Variants in GRID2 observed in about 807,000 individuals in gnomAD.
GRID2 encodes glutamate receptor ionotropic, delta-2.
GRID2 carries 33 observed loss-of-function variants against 114.8 expected under a neutral mutation model. The ratio of observed to expected loss-of-function variants is 0.29; its 90% CI spans 0.22 to 0.38. The LOEUF is 0.38. GRID2 is among the 10% of genes least tolerant of loss of function. The pLI is 1.00. For synonymous variants in GRID2, 505 were observed against 449.9 expected, an observed-to-expected ratio of 1.12 and a Z score of -1.55; for missense variants, 1,184 against 1,257.7, an observed-to-expected ratio of 0.94 and a Z score of 0.89.
chr4:92,620,245 A>G (rs944459413), intron 2 of GRID2, among the ~76,000 whole-genome samples: 1 of 151,806 alleles, frequency 6.6e-6, no homozygotes, highest in Non-Finnish European at 1.5e-5. Flanking sequence ...GACATGATTT[A>G]TAGATGTGCT....
At chr4:92,311,529 T>G in intron 1 of GRID2, among the ~76,000 whole-genome samples, 1 of 152,242 alleles carries the variant, frequency 6.6e-6, no homozygotes, top group East Asian at 1.9e-4. Context: ...ATGAAAAACA[T>G]TAGGTAGTAA....
At chr4:92,549,158 T>A (rs1165488113) in intron 1 of GRID2, among the ~76,000 whole-genome samples, 1 of 150,220 alleles carries the variant, frequency 6.7e-6, no homozygotes, top group Non-Finnish European at 1.5e-5. Context: ...TACCAAGTAA[T>A]CTCAAATAGA....
intron 2 of GRID2, among the ~76,000 whole-genome samples, chr4:92,670,412 A>G (rs1733001978): frequency 1.3e-5 from 2 of 151,914 alleles, no homozygotes; most frequent in African/African-American, 2.4e-5. Flanking sequence ...AGATTCCATC[A>G]TCTTCTTTCA....
At chr4:92,646,390 C>G (rs1448030958) in intron 2 of GRID2, among the ~76,000 whole-genome samples, 1 of 152,202 alleles carries the variant, frequency 6.6e-6, no homozygotes, top group Non-Finnish European at 1.5e-5. Flanking sequence ...CATTATTAAC[C>G]TGCCTGTACA....
chr4:92,548,477 C>G (rs953513456), intron 1 of GRID2, among the ~76,000 whole-genome samples: 1 of 129,274 alleles, frequency 7.7e-6, no homozygotes, highest in Non-Finnish European at 1.5e-5. Context: ...TTTTGGCTCA[C>G]TGCAACCTCC....
At chr4:92,614,894 T>G (rs1729931485) in intron 2 of GRID2, among the ~76,000 whole-genome samples, 2 of 151,686 alleles carry the variant, frequency 1.3e-5, no homozygotes, top group African/African-American at 4.8e-5. Flanking sequence ...TTTACATGTT[T>G]AGAATTATTA....
At chr4:93,508,614 T>A (rs750573705) in intron 12 of GRID2, among the ~76,000 whole-genome samples, 1 of 152,208 alleles carries the variant, frequency 6.6e-6, no homozygotes, top group Non-Finnish European at 1.5e-5. Flanking sequence ...GAATGCTTAC[T>A]TCCCAAAATG....
chr4:93,582,106 G>T (rs1475999386), intron 13 of GRID2, among the ~76,000 whole-genome samples: 1 of 152,098 alleles, frequency 6.6e-6, no homozygotes, highest in Admixed American at 6.6e-5. Context: ...TGTTCAAAAT[G>T]GATCTTACTG....
intron 2 of GRID2, among the ~76,000 whole-genome samples, chr4:92,709,107 T>C (rs1019133605): frequency 2.0e-5 from 3 of 152,118 alleles, no homozygotes; most frequent in African/African-American, 7.2e-5. Flanking sequence ...GTGTCCACTT[T>C]TACGTTTCTT....
At chr4:93,029,417 T>C (rs916692065) in intron 2 of GRID2, among the ~76,000 whole-genome samples, 2 of 152,070 alleles carry the variant, frequency 1.3e-5, no homozygotes, top group African/African-American at 4.8e-5. Flanking sequence ...AATGTGAGCT[T>C]CTTAAATAAT....
chr4:92,904,620 T>C (rs1424888636), intron 2 of GRID2, among the ~76,000 whole-genome samples: 3 of 151,694 alleles, frequency 2.0e-5, no homozygotes, highest in Non-Finnish European at 3.0e-5. Flanking sequence ...ATAAGAAAAA[T>C]AATTAGGCCA....
chr4:93,331,519 A>G (rs972132500), intron 8 of GRID2, among the ~76,000 whole-genome samples: 1 of 152,028 alleles, frequency 6.6e-6, no homozygotes, highest in Non-Finnish European at 1.5e-5. Flanking sequence ...GTACCTTTGT[A>G]CATATTTGTT....
chr4:93,720,760 T>C (rs1278567238), intron 14 of GRID2, among the ~76,000 whole-genome samples: 1 of 152,208 alleles, frequency 6.6e-6, no homozygotes, highest in Non-Finnish European at 1.5e-5. Context: ...TACATAGTAA[T>C]CTCATAAAAT....
intron 4 of GRID2, among the ~76,000 whole-genome samples, chr4:93,203,341 T>C (rs1329644522): frequency 2.6e-5 from 4 of 152,138 alleles, no homozygotes; most frequent in African/African-American, 9.7e-5. Context: ...CTTTAACACA[T>C]GATGTCACAA....
chr4:92,891,712 GA>G (rs1746795068), intron 2 of GRID2, among the ~76,000 whole-genome samples: 1 of 152,164 alleles, frequency 6.6e-6, no homozygotes, highest in South Asian at 2.1e-4. Flanking sequence ...ATCTGGGACA[GA>G]CTTGCCTATC....
At chr4:93,038,635 C>T (rs1436523030) in intron 2 of GRID2, among the ~76,000 whole-genome samples, 1 of 151,782 alleles carries the variant, frequency 6.6e-6, no homozygotes, top group African/African-American at 2.4e-5. Context: ...CTAAAAAATA[C>T]AAAAAATTAG....
chr4:92,532,839 G>A (rs1273230001), intron 1 of GRID2, among the ~76,000 whole-genome samples: 1 of 152,030 alleles, frequency 6.6e-6, no homozygotes. Context: ...TTGGGAGGCC[G>A]AGGCAGGAAG....
chr4:93,566,040 A>AT (rs1270843682), intron 13 of GRID2, among the ~76,000 whole-genome samples: 5 of 152,018 alleles, frequency 3.3e-5, no homozygotes, highest in South Asian at 2.1e-4. Flanking sequence ...GGGAACAAGG[A>AT]TTTTTTCTGC....
At chr4:92,441,748 A>T (rs1025427523) in intron 1 of GRID2, among the ~76,000 whole-genome samples, 7 of 151,946 alleles carry the variant, frequency 4.6e-5, no homozygotes, top group Admixed American at 1.3e-4. Context: ...GGTTTTAATG[A>T]GATGGTAAGG....
Sources: gnomAD v4.1 joint callset for allele counts (sites outside exome capture counted in the v4.1 genomes callset) on GRCh38, gnomAD v4.1.1 for gene constraint, MANE v1.5 for transcripts, NCBI Gene and HGNC (gene_info 2026-07-23, HGNC 2026-07-21) for gene names.